SYNE1: variants seen among roughly 807,000 people sequenced by gnomAD.
SYNE1 encodes spectrin repeat containing nuclear envelope protein 1.
A neutral mutation model predicts 1,111.0 loss-of-function variants in SYNE1; 616 were observed. The ratio of observed to expected loss-of-function variants is 0.55; its 90% CI spans 0.52 to 0.59. SYNE1 has a LOEUF of 0.59. Among genes scored for constraint, SYNE1 ranks in the 20% least tolerant of loss-of-function variants. The pLI, the probability that SYNE1 is intolerant of heterozygous loss-of-function variation, is 0.00. For synonymous variants in SYNE1, 3,855 were observed against 3,825.8 expected, an observed-to-expected ratio of 1.01 and a Z score of -0.28; for missense variants, 10,006 against 10,417.0, an observed-to-expected ratio of 0.96 and a Z score of 1.72.
rs530705246 is a variant in SYNE1 at position 152,341,053 on chromosome 6, A to AT, written c.12226-1688dup. ...CATGGTGCCTGATTTTGTGACTCCAATCTGAGTATTTTTCCTCTGCACTGT... is the reference window on the plus strand; with the variant it reads ...CATGGTGCCTGATTTTGTGACTCCAATTCTGAGTATTTTTCCTCTGCACTGT... On this transcript the variant is annotated intron_variant, in intron 74 of 145. Coordinates refer to ENST00000367255, the MANE Select transcript of SYNE1 (RefSeq NM_182961.4). 8.4e-3 allele frequency among the ~76,000 whole-genome samples: 1,276 copies of AT among 152,332 alleles called. 10 individuals carry two copies. Among genetic ancestry groups the AT allele is most frequent in the Non-Finnish European group, 0.014 (980 of 68,022 alleles).
At position 152,628,402 on chromosome 6, in the gene SYNE1, T is replaced by A; in HGVS notation, c.-71A>T. On this transcript the variant is annotated 5_prime_UTR_variant, in exon 3 of 146. An upstream open reading frame in the 5' UTR gains an earlier in-frame stop. Coordinates refer to ENST00000367255, the MANE Select transcript of SYNE1 (RefSeq NM_182961.4). Reference sequence around the variant, plus strand: ...GAGGCAGCACAGGGCTACACCACTCTAGAAAACATGCTTGGACTTTTCTAG... The same window carrying A: ...GAGGCAGCACAGGGCTACACCACTCAAGAAAACATGCTTGGACTTTTCTAG... 2 of 1,465,950 alleles carry A rather than the reference T, an allele frequency of 1.4e-6. No individual in the cohort carries two copies. Among genetic ancestry groups the A allele is most frequent in the Non-Finnish European group, 1.9e-6 (2 of 1,045,088 alleles). The allele number at this position is 1,465,950 out of a possible 1,614,324, so 90.8% of individuals were successfully genotyped here. A position where few individuals can be genotyped will look rare whatever the true frequency, so the allele number is the denominator to read the frequency against.
intron 42 of SYNE1, among the ~76,000 whole-genome samples, chr6:152,411,724 CACA>C (rs1563813731): frequency 1.3e-4 from 12 of 93,648 alleles, no homozygotes; most frequent in African/African-American, 5.3e-4. Context: ...CACACACACA[CACA>C]CCCCCACACA....
chr6:152,136,531 C>G, intron 141 of SYNE1, 87 bp downstream of exon 141: 1 of 1,546,232 alleles, frequency 6.5e-7, no homozygotes, highest in Non-Finnish European at 8.8e-7. Context: ...CTGCGTCCCT[C>G]TAGAAACCAT....
intron 72 of SYNE1, among the ~76,000 whole-genome samples, chr6:152,349,258 T>C (rs530330294): frequency 4.1e-4 from 63 of 152,386 alleles, no homozygotes; most frequent in African/African-American, 1.5e-3. Context: ...AGTTCTTATC[T>C]TGATAGATTT....
intron 4 of SYNE1, among the ~76,000 whole-genome samples, chr6:152,538,837 T>C (rs542761956): frequency 2.6e-5 from 4 of 152,248 alleles, no homozygotes; most frequent in South Asian, 4.2e-4. Context: ...ATAGGAAAGA[T>C]GACCCTGGTT....
chr6:152,183,613 C>T (rs967712557), intron 128 of SYNE1, among the ~76,000 whole-genome samples: 2 of 151,882 alleles, frequency 1.3e-5, no homozygotes, highest in South Asian at 2.1e-4. Context: ...GAAAAAGAAT[C>T]GAAACTCCTG....
At chr6:152,596,745 A>G (rs926619870) in intron 3 of SYNE1, among the ~76,000 whole-genome samples, 1 of 152,206 alleles carries the variant, frequency 6.6e-6, no homozygotes, top group Non-Finnish European at 1.5e-5. Flanking sequence ...GGTATTCACA[A>G]AACAACATGT....
At chr6:152,368,506 T>C (rs766078793) in intron 61 of SYNE1, 9 of 162,808 alleles carry the variant, frequency 5.5e-5, no homozygotes, top group Admixed American at 1.7e-4. Context: ...AAGATTCAGA[T>C]GAATTTTTTA....
intron 6 of SYNE1, among the ~76,000 whole-genome samples, chr6:152,515,093 A>C (rs972147025): frequency 3.3e-5 from 5 of 152,016 alleles, no homozygotes; most frequent in African/African-American, 1.2e-4. Context: ...TTGGTGGCGC[A>C]TGCCTGTAGT....
chr6:152,340,664 C>T (rs2096515432), intron 74 of SYNE1, among the ~76,000 whole-genome samples: 1 of 152,124 alleles, frequency 6.6e-6, no homozygotes, highest in Non-Finnish European at 1.5e-5. Context: ...CAAGAAGGTT[C>T]CATTTGAGAA....
chr6:152,347,682 C>CT (rs11451810), intron 72 of SYNE1, among the ~76,000 whole-genome samples: 82,173 of 138,978 alleles, frequency 0.59, 24,100 homozygotes, highest in Non-Finnish European at 0.62. Context: ...TTTTGTCATT[C>CT]TTTTTTTTTT....
intron 125 of SYNE1, among the ~76,000 whole-genome samples, chr6:152,206,772 C>G (rs1001229498): frequency 3.3e-5 from 5 of 152,048 alleles, no homozygotes; most frequent in Admixed American, 6.6e-5. Context: ...GAGAGGCCAC[C>G]TTCTCACAGA....
At chr6:152,611,501 T>A (rs1045120569) in intron 3 of SYNE1, among the ~76,000 whole-genome samples, 3 of 152,080 alleles carry the variant, frequency 2.0e-5, no homozygotes, top group African/African-American at 7.2e-5. Context: ...ATAAAGCAAG[T>A]CCTTAGAGAC....
At chr6:152,194,601 T>C (rs934861532) in intron 127 of SYNE1, among the ~76,000 whole-genome samples, 6 of 152,330 alleles carry the variant, frequency 3.9e-5, no homozygotes, top group Admixed American at 6.5e-5. Flanking sequence ...TCTACTCCCA[T>C]CTCTCTTTCT....
At chr6:152,367,531 T>A in intron 61 of SYNE1, 149 bp from the exon 62 acceptor site, 1 of 871,978 alleles carries the variant, frequency 1.1e-6, no homozygotes, top group Non-Finnish European at 1.9e-6. Flanking sequence ...TGAGATATGT[T>A]AAAGATCTTT....
chr6:152,145,790 C>CA, intron 137 of SYNE1: 3 of 457,934 alleles, frequency 6.6e-6, no homozygotes, highest in South Asian at 6.0e-5. Context: ...TTTGGGAGGC[C>CA]AAGGCGGGTG....
intron 13 of SYNE1, among the ~76,000 whole-genome samples, 163 bp from the exon 14 acceptor site, chr6:152,483,412 C>A (rs984206463): frequency 7.2e-5 from 11 of 152,244 alleles, no homozygotes; most frequent in African/African-American, 2.6e-4. Context: ...GAGTTTGACA[C>A]TTTAGGGATG....
At chr6:152,266,795 C>G (rs937571128) in intron 100 of SYNE1, among the ~76,000 whole-genome samples, 2 of 152,142 alleles carry the variant, frequency 1.3e-5, no homozygotes, top group African/African-American at 4.8e-5. Flanking sequence ...TCTCCTATCA[C>G]TTGCCCTCAG....
rs184957326 is a variant in SYNE1 at position 152,340,392 on chromosome 6, T to A, written c.12226-1026A>T. Reference sequence around the variant, plus strand: ...GGTTTTGTCTCTAGTCTAGAGTTTCTCAACTCAGAACTATTGACAGTTGAC... The same window carrying A: ...GGTTTTGTCTCTAGTCTAGAGTTTCACAACTCAGAACTATTGACAGTTGAC... On this transcript the variant is annotated intron_variant, in intron 74 of 145. Transcript: ENST00000367255. Among the ~76,000 whole-genome samples, 10 of 152,326 alleles carry A rather than the reference T, an allele frequency of 6.6e-5. No individual in the cohort carries two copies. The South Asian group carries it at 1.0e-3, about 16-fold the overall frequency.
Sources: allele counts gnomAD v4.1 joint callset (sites outside exome capture counted in the v4.1 genomes callset), GRCh38; gene constraint gnomAD v4.1.1; transcripts MANE v1.5; gene names NCBI Gene and HGNC (gene_info 2026-07-23, HGNC 2026-07-21).